Variants in BDNF observed in about 807,000 individuals in gnomAD.
BDNF encodes the protein brain derived neurotrophic factor, also known as neurotrophic factor BDNF precursor form.
In BDNF, 1 loss-of-function variant was observed where a neutral mutation model predicts 19.5. The observed-to-expected ratio is 0.05, with a 90% CI of 0.02 to 0.24. The LOEUF is 0.24. Ranked by LOEUF, BDNF falls within the 10% of genes least tolerant of loss-of-function variation. The pLI, the probability that BDNF is intolerant of heterozygous loss-of-function variation, is 1.00. For synonymous variants in BDNF, 100 were observed against 121.6 expected (o/e 0.82, Z 1.17); for missense variants, 195 against 317.6 (o/e 0.61, Z 2.93).
At chr11:27,699,594 G>A (rs1859646546) in intron 1 of BDNF, 2 of 1,479,098 alleles carry the variant, frequency 1.4e-6, no homozygotes, top group Non-Finnish European at 1.8e-6. Flanking sequence ...CGCCTCCCAA[G>A]TTTTCCAAGC....
intron 1 of BDNF, among the ~76,000 whole-genome samples, chr11:27,691,395 A>C (rs1406159190): frequency 1.3e-5 from 2 of 152,226 alleles, no homozygotes; most frequent in Non-Finnish European, 2.9e-5. Flanking sequence ...CTCACTGGGC[A>C]CTCAATTAAT....
At chr11:27,661,790 C>T (rs1274884167) in intron 1 of BDNF, among the ~76,000 whole-genome samples, 1 of 152,170 alleles carries the variant, frequency 6.6e-6, no homozygotes. Context: ...CTTGGAGTGC[C>T]GTACACATTA....
Position 27,656,566 on chromosome 11 carries a change from C to G in BDNF, c.*1255G>C, listed in dbSNP as rs145801595. ...CCACTCAGAAATTCCTCCCGCACTGCCGGTAAATGCAATGCCAACTCCACA... is the reference window on the plus strand; with the variant it reads ...CCACTCAGAAATTCCTCCCGCACTGGCGGTAAATGCAATGCCAACTCCACA... On this transcript the variant is annotated 3_prime_UTR_variant, in exon 2 of 2. Transcript: ENST00000356660. 16 of 985,812 alleles carry G rather than the reference C, an allele frequency of 1.6e-5. No homozygotes were observed. The African/African-American group carries it at 2.8e-4, about 17-fold the overall frequency. The allele number at this position is 985,812 out of a possible 1,614,324, so 61.1% of individuals were successfully genotyped here. A position where few individuals can be genotyped will look rare whatever the true frequency, so the allele number is the denominator to read the frequency against.
chr11:27,697,146 C>CAG (rs1203248312), intron 1 of BDNF, among the ~76,000 whole-genome samples: 1 of 82,382 alleles, frequency 1.2e-5, no homozygotes, highest in Non-Finnish European at 2.2e-5. Context: ...CGTGCACGCA[C>CAG]ACACACACAC....
intron 1 of BDNF, among the ~76,000 whole-genome samples, chr11:27,698,890 A>G (rs1443193730): frequency 6.6e-6 from 1 of 152,132 alleles, no homozygotes; most frequent in African/African-American, 2.4e-5. Flanking sequence ...AAGCCCTAAC[A>G]CACCGCCAAT....
In BDNF at chr11:27,721,797, C is replaced by A. The variant is rs1590515842; in HGVS notation, c.-383G>T. ...GTGTTTCCTAGGGCTGCCTTCTAAC[C>A]GCCCGTTACTGGGTCCTGGCACTGA... is the stretch of plus-strand genomic sequence containing the variant. On this transcript the variant is annotated 5_prime_UTR_variant, in exon 1 of 2. Transcript: ENST00000314915. 1.1e-5 allele frequency: 3 copies of A among 269,482 alleles called. No homozygotes were observed. In the East Asian group the frequency reaches 2.4e-4, roughly 22 times the overall value. 16.7% of individuals were successfully genotyped at this position (269,482 alleles called of 1,614,324 possible). A position where few individuals can be genotyped will look rare whatever the true frequency, so the allele number is the denominator to read the frequency against.
At chr11:27,659,322 T>G in intron 1 of BDNF, 1 of 1,000,190 alleles carries the variant, frequency 1.0e-6, no homozygotes, top group Non-Finnish European at 1.2e-6. Flanking sequence ...TTCTTTATTC[T>G]ACACCTGGGT....
In BDNF at chr11:27,658,362, T is replaced by A; in HGVS notation, c.203A>T (p.Glu68Val). Residue 68 changes from glutamate to valine, a missense_variant, in exon 2 of 2, where the codon GAA (glutamate) becomes GTA (valine). This residue lies in a region of BDNF where 124 missense variants were observed against 155.0 expected (regional missense o/e 0.80). Coordinates refer to ENST00000356660, the MANE Select transcript of BDNF (RefSeq NM_001709.5). This position sits in a 1 kb window ranked among gnomAD's most constrained non-coding sequence, Gnocchi z 5.7. ...SLADTFEHVI[E>V]ELLDEDQKVR... is the part of the protein sequence containing the mutation. ...TTTCTGGTCCTCATCCAACAGCTCTTCTATCACGTGTTCGAAAGTGTCAGC... is the reference window on the plus strand; with the variant it reads ...TTTCTGGTCCTCATCCAACAGCTCTACTATCACGTGTTCGAAAGTGTCAGC... 6.2e-7 allele frequency: 1 copy of A among 1,614,164 alleles called. No individual in the cohort carries two copies. Among genetic ancestry groups the A allele is most frequent in the Non-Finnish European group, 8.5e-7 (1 of 1,180,022 alleles).
chr11:27,669,009 A>G (rs1001420812), intron 1 of BDNF, among the ~76,000 whole-genome samples: 1 of 152,244 alleles, frequency 6.6e-6, no homozygotes, highest in Admixed American at 6.5e-5. Flanking sequence ...AAAAATCCTC[A>G]GTAAAATACT....
chr11:27,674,185 A>G (rs746363872), intron 1 of BDNF: 73 of 1,606,170 alleles, frequency 4.5e-5, no homozygotes, highest in Non-Finnish European at 6.0e-5. Context: ...ACGCCAAAAC[A>G]TGTGTGGACC....
At chr11:27,684,314 GT>G (rs1488131820) in intron 1 of BDNF, among the ~76,000 whole-genome samples, 1 of 152,140 alleles carries the variant, frequency 6.6e-6, no homozygotes, top group African/African-American at 2.4e-5. Context: ...AGATGATGGG[GT>G]TTTCTAAATA....
chr11:27,719,525 G>A, intron 1 of BDNF: 1 of 985,460 alleles, frequency 1.0e-6, no homozygotes, highest in Non-Finnish European at 1.2e-6. Context: ...GCTCAGTGAG[G>A]CATCCGGCCC....
chr11:27,688,942 A>G (rs1276504537), intron 1 of BDNF, among the ~76,000 whole-genome samples: 1 of 152,236 alleles, frequency 6.6e-6, no homozygotes, highest in Non-Finnish European at 1.5e-5. Context: ...TTACTAAGGA[A>G]CAATACATCA....
chr11:27,667,063 C>CAG (rs1854475908), intron 1 of BDNF, among the ~76,000 whole-genome samples: 1 of 151,676 alleles, frequency 6.6e-6, no homozygotes, highest in Non-Finnish European at 1.5e-5. Context: ...AGACTAACAG[C>CAG]ATCTTTCGGC....
chr11:27,719,515 G>A, intron 1 of BDNF: 1 of 985,542 alleles, frequency 1.0e-6, no homozygotes, highest in Non-Finnish European at 1.2e-6. Flanking sequence ...TCGGACCTGG[G>A]CTCAGTGAGG....
chr11:27,678,849 T>C (rs1856514540), intron 1 of BDNF, among the ~76,000 whole-genome samples: 1 of 152,224 alleles, frequency 6.6e-6, no homozygotes, highest in Admixed American at 6.5e-5. Context: ...TATAGTCATC[T>C]GGAAAACAGA....
intron 1 of BDNF, chr11:27,674,297 C>G (rs368603984): frequency 1.3e-6 from 2 of 1,553,260 alleles, no homozygotes; most frequent in African/African-American, 2.7e-5. Context: ...AGTTGTCCTT[C>G]GGGTTATTTT....
rs568721750 is a variant in BDNF, at chr11:27,664,824, T to A, written c.-21-6239A>T. On this transcript the variant is annotated intron_variant, in intron 1 of 1. Coordinates refer to ENST00000356660, the MANE Select transcript of BDNF (RefSeq NM_001709.5). ...TGCTGTAATCAATGAAGGCTCCCGATAGCCAGAGCCACCCAGAATTCACAG... is the reference window on the plus strand; with the variant it reads ...TGCTGTAATCAATGAAGGCTCCCGAAAGCCAGAGCCACCCAGAATTCACAG... Among the ~76,000 whole-genome samples the A allele has an allele frequency of 3.9e-5, 6 of 152,190 alleles. No individual in the cohort carries two copies. In the South Asian group the frequency reaches 8.3e-4, roughly 21 times the overall value.
intron 1 of BDNF, among the ~76,000 whole-genome samples, chr11:27,662,102 A>C (rs1853552730): frequency 6.6e-6 from 1 of 152,116 alleles, no homozygotes; most frequent in Non-Finnish European, 1.5e-5. Flanking sequence ...TCCTGGGTTC[A>C]AGCAATTCTC....
Sources: gnomAD v4.1 joint callset for allele counts (sites outside exome capture counted in the v4.1 genomes callset) on GRCh38, gnomAD v4.1.1 for gene constraint, gnomAD v4.1.1 regional missense constraint, Gnocchi (gnomAD v3.1) non-coding constraint, MANE v1.5 for transcripts, NCBI Gene and HGNC (gene_info 2026-07-23, HGNC 2026-07-21) for gene names.